Variants in THNSL1 observed in about 807,000 individuals in gnomAD.
THNSL1 encodes the protein threonine synthase-like 1.
THNSL1 carries 48 observed loss-of-function variants against 50.4 expected under a neutral mutation model. The observed-to-expected ratio is 0.95, with a 90% CI of 0.76 to 1.21. The LOEUF (loss-of-function observed/expected upper bound fraction) is 1.21, where lower values mean the gene tolerates loss of function less well. Among genes scored for constraint, THNSL1 ranks in the 50% most tolerant of loss-of-function variants. The pLI is 0.00. For synonymous variants in THNSL1, 309 were observed against 306.1 expected, an observed-to-expected ratio of 1.01 and a Z score of -0.10; for missense variants, 896 against 871.7, an observed-to-expected ratio of 1.03 and a Z score of -0.35.
chr10:24,974,569 A>G, the THNSL1 span, among the ~76,000 whole-genome samples: 1 of 152,228 alleles, frequency 6.6e-6, no homozygotes, highest in African/African-American at 2.4e-5. Flanking sequence ...CAGATTTTAC[A>G]AAGTGGATTA....
the THNSL1 span, among the ~76,000 whole-genome samples, chr10:24,987,490 T>TA: frequency 4.0e-5 from 6 of 150,426 alleles, no homozygotes; most frequent in East Asian, 2.0e-4. Context: ...AAAAATGAAA[T>TA]AAAAAAAAAT....
At chr10:24,996,456 G>GTGTGTATATATATA in the THNSL1 span, among the ~76,000 whole-genome samples, 16 of 149,710 alleles carry the variant, frequency 1.1e-4, no homozygotes, top group African/African-American at 3.2e-4. Context: ...GTGTGTGTGT[G>GTGTGTATATATATA]TATATATATA....
chr10:24,969,802 G>T, the THNSL1 span, among the ~76,000 whole-genome samples: 3 of 152,106 alleles, frequency 2.0e-5, no homozygotes, highest in Admixed American at 6.5e-5. Flanking sequence ...AGAAACTTTT[G>T]CATCATCTTG....
chr10:24,955,324 G>C, the THNSL1 span, among the ~76,000 whole-genome samples: 1 of 152,144 alleles, frequency 6.6e-6, no homozygotes, highest in African/African-American at 2.4e-5. Flanking sequence ...TTTGGGTGGG[G>C]ACACAGAGCC....
chr10:24,966,136 T>C, the THNSL1 span, among the ~76,000 whole-genome samples: 1 of 152,236 alleles, frequency 6.6e-6, no homozygotes, highest in Non-Finnish European at 1.5e-5. Flanking sequence ...TCCTGAAGAA[T>C]AAGTGTGAAG....
the THNSL1 span, among the ~76,000 whole-genome samples, chr10:24,963,786 T>C: frequency 6.6e-6 from 1 of 152,142 alleles, no homozygotes; most frequent in African/African-American, 2.4e-5. Context: ...GTAGAAATAA[T>C]GATCTAAGAA....
chr10:24,957,567 G>A, the THNSL1 span, among the ~76,000 whole-genome samples: 68,015 of 151,620 alleles, frequency 0.45, 15,962 homozygotes, highest in African/African-American at 0.6. Flanking sequence ...TGCAACCTCC[G>A]CATCTCAGAT....
chr10:24,988,406 A>G, the THNSL1 span, among the ~76,000 whole-genome samples: 1 of 145,698 alleles, frequency 6.9e-6, no homozygotes, highest in African/African-American at 2.5e-5. Context: ...ATATATGTGT[A>G]TATATATTTA....
the THNSL1 span, among the ~76,000 whole-genome samples, chr10:24,979,765 G>A: frequency 6.6e-6 from 1 of 152,010 alleles, no homozygotes; most frequent in Admixed American, 6.6e-5. Flanking sequence ...CCAACTAGAT[G>A]CCACAATTTT....
chr10:25,017,834 A>G (rs1465997955), intron 1 of THNSL1, among the ~76,000 whole-genome samples: 1 of 152,132 alleles, frequency 6.6e-6, no homozygotes, highest in African/African-American at 2.4e-5. Context: ...TTTAGCAAGT[A>G]TAGAGAAAAA....
the THNSL1 span, among the ~76,000 whole-genome samples, chr10:24,987,379 G>T: frequency 1.3e-5 from 2 of 152,046 alleles, no homozygotes; most frequent in South Asian, 2.1e-4. Context: ...GCTCATGCCT[G>T]CAATCCCAAC....
At chr10:25,011,971 G>T (rs928775859), upstream of THNSL1, among the ~76,000 whole-genome samples, 2 of 152,208 alleles carry the variant, frequency 1.3e-5, no homozygotes, top group African/African-American at 4.8e-5. Flanking sequence ...AGAAAAAATG[G>T]TTTCATGGGC....
At chr10:24,986,791 C>T in the THNSL1 span, among the ~76,000 whole-genome samples, 7 of 152,146 alleles carry the variant, frequency 4.6e-5, no homozygotes, top group South Asian at 2.1e-4. Flanking sequence ...TATTGAAATA[C>T]GCTACGTGCT....
chr10:24,957,260 C>A, the THNSL1 span, among the ~76,000 whole-genome samples: 1 of 152,124 alleles, frequency 6.6e-6, no homozygotes, highest in Non-Finnish European at 1.5e-5. Flanking sequence ...GTCGTATTTG[C>A]CTTTTGTTTC....
the THNSL1 span, among the ~76,000 whole-genome samples, chr10:25,004,835 C>T: frequency 3.4e-4 from 52 of 152,192 alleles, 1 homozygote; most frequent in East Asian, 8.1e-3. Context: ...AATCTTTGCC[C>T]GTGCCTATGT....
At chr10:24,973,494 A>G in the THNSL1 span, among the ~76,000 whole-genome samples, 7 of 152,176 alleles carry the variant, frequency 4.6e-5, no homozygotes, top group African/African-American at 9.6e-5. Flanking sequence ...TTTCCATTTA[A>G]TATTTTCTAA....
In THNSL1 at chr10:25,016,654, G is replaced by A. The variant is rs1387104544; in HGVS notation, c.-254G>A. 6.6e-6 allele frequency: 1 copy of A among 152,508 alleles called. No homozygotes were observed. Among genetic ancestry groups the A allele is most frequent in the Non-Finnish European group, 1.5e-5 (1 of 68,264 alleles). 9.4% of individuals were successfully genotyped at this position (152,508 alleles called of 1,614,324 possible). ...TGGCCGCCGCAGGCACAGGCGCAGA[G>A]TCCACTGCGCGGGGGCGGGACCGGG... is the stretch of plus-strand genomic sequence containing the variant. On this transcript the variant is annotated 5_prime_UTR_variant, in exon 1 of 3. Coordinates refer to ENST00000376356, the MANE Select transcript of THNSL1 (RefSeq NM_024838.5).
intron 1 of THNSL1, among the ~76,000 whole-genome samples, chr10:25,018,614 C>T (rs74891901): frequency 0.015 from 2,192 of 148,666 alleles, 33 homozygotes; most frequent in Non-Finnish European, 0.022. Context: ...CCTAGATCCC[C>T]GTATATAATG....
At chr10:25,018,663 T>TG (rs111652956) in intron 1 of THNSL1, among the ~76,000 whole-genome samples, 40,272 of 142,306 alleles carry the variant, frequency 0.28, 6,229 homozygotes, top group East Asian at 0.48. Flanking sequence ...AGAGTTGTTT[T>TG]TTTTTTTTTT....
Sources: allele counts gnomAD v4.1 joint callset (sites outside exome capture counted in the v4.1 genomes callset), GRCh38; gene constraint gnomAD v4.1.1; transcripts MANE v1.5; gene names NCBI Gene and HGNC (gene_info 2026-07-23, HGNC 2026-07-21).